SPRY3: variants seen among roughly 807,000 people sequenced by gnomAD.
SPRY3 encodes protein sprouty homolog 3.
SPRY3 carries 15 observed loss-of-function variants against 20.2 expected under a neutral mutation model. That is an observed-to-expected ratio of 0.74 (90% confidence interval 0.50 to 1.14). SPRY3 has a LOEUF of 1.14. Ranked by LOEUF, SPRY3 falls within the 50% of genes most tolerant of loss-of-function variation. SPRY3 has a pLI of 0.00. For missense variants in SPRY3, 364 were observed against 363.9 expected, an observed-to-expected ratio of 1.00 and a Z score of 0.00; for synonymous variants, 143 against 136.5, an observed-to-expected ratio of 1.05 and a Z score of -0.33.
At chrX:155,707,014 C>A (rs1304641862) in intron 2 of SPRY3, among the ~76,000 whole-genome samples, 4 of 150,584 alleles carry the variant, frequency 2.7e-5, no homozygotes, top group Non-Finnish European at 6.0e-5. Context: ...GATTTTATTT[C>A]TTTTCTTTCC....
intron 2 of SPRY3, among the ~76,000 whole-genome samples, chrX:155,766,490 A>G (rs1413662131): frequency 6.6e-6 from 1 of 152,148 alleles, no homozygotes; most frequent in Non-Finnish European, 1.5e-5. Flanking sequence ...GTCACCATTT[A>G]CCATCTCAAT....
chrX:155,722,296 C>T (rs1187031811), intron 2 of SPRY3, among the ~76,000 whole-genome samples: 2 of 152,020 alleles, frequency 1.3e-5, no homozygotes, highest in Admixed American at 6.6e-5. Flanking sequence ...GTTGAAGCGG[C>T]GGATCACTTG....
chrX:155,767,963 A>G (rs1015596602), exon 3 of SPRY3: 1 of 152,272 alleles, frequency 6.6e-6, no homozygotes, highest in African/African-American at 2.4e-5. Flanking sequence ...GTGTCAAAGA[A>G]CAAGACAGAA....
chrX:155,696,945 A>G (rs1014517600), intron 2 of SPRY3, among the ~76,000 whole-genome samples: 1 of 111,666 alleles, frequency 9.0e-6, no homozygotes, highest in Non-Finnish European at 1.9e-5. Flanking sequence ...AGGATAGTAC[A>G]ATCTAGTAAT....
At chrX:155,739,835 T>G (rs1434447574) in intron 2 of SPRY3, among the ~76,000 whole-genome samples, 1 of 152,108 alleles carries the variant, frequency 6.6e-6, no homozygotes, top group Non-Finnish European at 1.5e-5. Flanking sequence ...CCTCAAAGAT[T>G]GAAGATAAAC....
At chrX:155,751,995 A>G (rs1809611012) in intron 2 of SPRY3, among the ~76,000 whole-genome samples, 1 of 150,930 alleles carries the variant, frequency 6.6e-6, no homozygotes. Flanking sequence ...AAGGAAAGGA[A>G]AAGGAAAGGA....
chrX:155,697,522 C>CACATATATATAT (rs750002413), intron 2 of SPRY3, among the ~76,000 whole-genome samples: 1 of 99,330 alleles, frequency 1.0e-5, no homozygotes, highest in African/African-American at 3.9e-5. Context: ...CACACACACA[C>CACATATATATAT]ATATATATAT....
chrX:155,745,365 G>A (rs764028820), intron 2 of SPRY3, among the ~76,000 whole-genome samples: 1 of 152,128 alleles, frequency 6.6e-6, no homozygotes, highest in African/African-American at 2.4e-5. Context: ...ATAAGGCTGG[G>A]GCCGGTACAA....
At chrX:155,773,927 G>C (rs748440785) in exon 4 of SPRY3, 1 of 1,613,922 alleles carries the variant, frequency 6.2e-7, no homozygotes, top group Non-Finnish European at 8.5e-7. Flanking sequence ...GAACAGCTGC[G>C]CTCTACTCAT....
chrX:155,672,938 C>G (rs1353557312), intron 2 of SPRY3, among the ~76,000 whole-genome samples: 1 of 105,275 alleles, frequency 9.5e-6, no homozygotes, highest in Non-Finnish European at 1.9e-5. Context: ...AATTGGAAAT[C>G]ATCATTCGTA....
chrX:155,776,104 C>G (rs2091423873), exon 4 of SPRY3: 1 of 167,076 alleles, frequency 6.0e-6, no homozygotes, highest in East Asian at 1.9e-4. Context: ...GCTCTATTAA[C>G]AGTGACAGAA....
At chrX:155,704,515 A>G (rs2090935361) in intron 2 of SPRY3, among the ~76,000 whole-genome samples, 1 of 151,774 alleles carries the variant, frequency 6.6e-6, no homozygotes, top group Non-Finnish European at 1.5e-5. Context: ...GAAAACATTC[A>G]AGAGCTGTGT....
intron 2 of SPRY3, among the ~76,000 whole-genome samples, chrX:155,696,950 AGTAATG>A (rs2068120795): frequency 9.0e-6 from 1 of 111,731 alleles, no homozygotes; most frequent in Non-Finnish European, 1.9e-5. Flanking sequence ...AGTACAATCT[AGTAATG>A]GGTACTTACA....
intron 2 of SPRY3, among the ~76,000 whole-genome samples, chrX:155,703,789 G>T (rs978279188): frequency 2.0e-5 from 3 of 151,876 alleles, no homozygotes; most frequent in African/African-American, 7.3e-5. Context: ...TGCTTTGAAT[G>T]TGTCCCAGAG....
chrX:155,624,867 A>G (rs1205567131), intron 1 of SPRY3, among the ~76,000 whole-genome samples: 1 of 111,640 alleles, frequency 9.0e-6, no homozygotes, highest in Admixed American at 9.5e-5. Context: ...CTATATGCCT[A>G]TTCTGAGAAT....
intron 2 of SPRY3, among the ~76,000 whole-genome samples, chrX:155,728,089 ACT>A (rs1413069116): frequency 1.3e-4 from 20 of 152,032 alleles, no homozygotes; most frequent in Admixed American, 4.6e-4. Flanking sequence ...CTGGAGGTCC[ACT>A]CCAGAACCTG....
chrX:155,621,731 A>G (rs2067871528), intron 1 of SPRY3, among the ~76,000 whole-genome samples: 1 of 111,647 alleles, frequency 9.0e-6, no homozygotes, highest in African/African-American at 3.3e-5. Context: ...TCAGTGTATT[A>G]CCAGCAATGC....
intron 2 of SPRY3, among the ~76,000 whole-genome samples, chrX:155,671,049 C>T (rs1159964572): frequency 9.0e-6 from 1 of 111,492 alleles, no homozygotes; most frequent in Non-Finnish European, 1.9e-5. Flanking sequence ...TTATCTCCAA[C>T]TTCCTCCTGC....
At chrX:155,780,476 A>T (rs2091456747), downstream of SPRY3, 1 of 167,056 alleles carries the variant, frequency 6.0e-6, no homozygotes, top group Non-Finnish European at 1.5e-5. Context: ...AACACTACAA[A>T]GAAACTGCAA....
Sources: gnomAD v4.1 joint callset for allele counts (sites outside exome capture counted in the v4.1 genomes callset) on GRCh38, gnomAD v4.1.1 for gene constraint, MANE v1.5 for transcripts, NCBI Gene and HGNC (gene_info 2026-07-23, HGNC 2026-07-21) for gene names.